The following RLIM variants were observed in gnomAD, a reference collection of about 807,000 sequenced individuals.
The protein encoded by RLIM is E3 ubiquitin-protein ligase RLIM.
Under a neutral mutation model 34.0 loss-of-function variants are expected in RLIM, and 2 were observed. The ratio of observed to expected loss-of-function variants is 0.06; its 90% CI spans 0.02 to 0.19. The LOEUF (loss-of-function observed/expected upper bound fraction) is 0.19, where lower values mean the gene tolerates loss of function less well. Among genes scored for constraint, RLIM ranks in the 10% least tolerant of loss-of-function variants. RLIM has a pLI of 1.00. For missense variants in RLIM, 286 were observed against 479.7 expected (o/e 0.60, Z 3.77); for synonymous variants, 169 against 164.0 (o/e 1.03, Z -0.23).
At chrX:74,601,209 A>G (rs2079659889) in intron 1 of RLIM, among the ~76,000 whole-genome samples, 1 of 111,988 alleles carries the variant, frequency 8.9e-6, no homozygotes, top group African/African-American at 3.2e-5. Context: ...TTTTGTTTCT[A>G]TTTTATTCAA....
Position 74,592,200 on chromosome X carries a change from C to G in RLIM, c.1115G>C (p.Arg372Pro). The G allele has an allele frequency of 8.3e-7, 1 of 1,211,653 alleles. No individual in the cohort carries two copies. Among genetic ancestry groups the G allele is most frequent in the Non-Finnish European group, 1.1e-6 (1 of 895,461 alleles). The change falls in exon 4 of 4, where the codon CGG becomes CCG. Residue 372 changes from arginine to proline, a missense_variant. Coordinates refer to ENST00000332687, the MANE Select transcript of RLIM (RefSeq NM_016120.4). Reference protein sequence around the residue: ...GFRRTFSRSERAGVRTYVSTI... With the variant: ...GFRRTFSRSEPAGVRTYVSTI... ...ACTGACATAGGTTCTCACACCTGCC[C>G]GCTCAGAACGTGAAAATGTACGCCT...
At chrX:74,602,874 G>A (rs1201868719) in intron 1 of RLIM, among the ~76,000 whole-genome samples, 1 of 111,299 alleles carries the variant, frequency 9.0e-6, no homozygotes, top group Non-Finnish European at 1.9e-5. Flanking sequence ...AATATTTAGA[G>A]AGGAATAACA....
intron 1 of RLIM, among the ~76,000 whole-genome samples, chrX:74,602,539 C>T (rs530114268): frequency 9.0e-6 from 1 of 111,148 alleles, no homozygotes. Flanking sequence ...TGAGACTAGC[C>T]TGACTAACAT....
intron 1 of RLIM, among the ~76,000 whole-genome samples, chrX:74,607,926 C>G (rs2079689581): frequency 8.9e-6 from 1 of 112,504 alleles, no homozygotes; most frequent in Non-Finnish European, 1.9e-5. Flanking sequence ...ACAAAAAGTA[C>G]CATCATATCA....
intron 1 of RLIM, among the ~76,000 whole-genome samples, chrX:74,602,558 C>T (rs1010914293): frequency 2.7e-5 from 3 of 110,933 alleles, no homozygotes; most frequent in African/African-American, 9.8e-5. Context: ...ATGGCAAAAC[C>T]CCGTCTCTAC....
At chrX:74,596,121 T>C in intron 1 of RLIM, 121 bp from the exon 2 acceptor site, 1 of 427,262 alleles carries the variant, frequency 2.3e-6, no homozygotes, top group Non-Finnish European at 3.8e-6. Context: ...TCAAATGAAA[T>C]TTCCTAACAA....
At chrX:74,606,892 T>C (rs7891671) in intron 1 of RLIM, among the ~76,000 whole-genome samples, 8,045 of 110,747 alleles carry the variant, frequency 0.073, 450 homozygotes, top group African/African-American at 0.19. Flanking sequence ...TCCTAGCACT[T>C]TGGGAGGTCG....
At chrX:74,594,897 TAAAAAAA>T (rs1169273208) in intron 2 of RLIM, among the ~76,000 whole-genome samples, 1 of 59,714 alleles carries the variant, frequency 1.7e-5, no homozygotes, top group South Asian at 1.0e-3. Flanking sequence ...AGACTCTGCT[TAAAAAAA>T]AAAAAAAAAA....
At chrX:74,598,536 T>C (rs2079648571) in intron 1 of RLIM, among the ~76,000 whole-genome samples, 1 of 110,920 alleles carries the variant, frequency 9.0e-6, no homozygotes, top group African/African-American at 3.3e-5. Context: ...CCCAGCACTT[T>C]GGGAGGCTGA....
Position 74,592,744 on chromosome X carries a change from A to T in RLIM, c.571T>A (p.Ser191Thr). 8.3e-7 allele frequency: 1 copy of T among 1,211,386 alleles called. No homozygotes were observed. Among genetic ancestry groups the T allele is most frequent in the Non-Finnish European group, 1.1e-6 (1 of 895,433 alleles). The change falls in exon 4 of 4, where the codon TCA becomes ACA. Residue 191 changes from serine to threonine, a missense_variant. Physicochemically the swap from Ser to Thr is moderately conservative, Grantham distance 58. This residue lies in a region of RLIM where 121 missense variants were observed against 182.4 expected (regional missense o/e 0.66). Transcript: ENST00000332687. ...AACGCTTCAGTTGAATTTCGTTCTG[A>T]TCTAGATGGCCTTGCAGATGTTGAT... is the stretch of plus-strand genomic sequence containing the variant. ...SESTSARPSRSERNSTEALTE... is the reference protein window; with the variant it reads ...SESTSARPSRTERNSTEALTE...
Position 74,588,971 on chromosome X carries a change from CGTGA to C in RLIM, c.*2465_*2468del, listed in dbSNP as rs2079600499. On this transcript the variant is annotated 3_prime_UTR_variant, in exon 4 of 4. Coordinates refer to ENST00000332687, the MANE Select transcript of RLIM (RefSeq NM_016120.4). ...CATTCTATACAATCGAATGGAAATC[CGTGA>C]GTGCTACTGAAAAAGGTGTTCACAT... 8.9e-6 allele frequency: 1 copy of C among 111,859 alleles called. No homozygotes were observed. Among genetic ancestry groups the C allele is most frequent in the Non-Finnish European group, 1.9e-5 (1 of 53,191 alleles). 9.2% of individuals were successfully genotyped at this position (111,859 alleles called of 1,213,427 possible).
chrX:74,603,837 C>T (rs959170216), intron 1 of RLIM, among the ~76,000 whole-genome samples: 1 of 111,764 alleles, frequency 8.9e-6, no homozygotes, highest in Admixed American at 9.6e-5. Context: ...TGACTGACCA[C>T]GGTGGCTCAT....
chrX:74,605,695 C>T (rs1160141408), intron 1 of RLIM, among the ~76,000 whole-genome samples: 1 of 111,979 alleles, frequency 8.9e-6, no homozygotes, highest in African/African-American at 3.2e-5. Context: ...GTGAAACATA[C>T]AGTAATTTAA....
Position 74,590,068 on chromosome X carries a change from A to C in RLIM, c.*1372T>G, listed in dbSNP as rs1372936911. The C allele has an allele frequency of 8.9e-6, 1 of 112,249 alleles. No individual in the cohort carries two copies. Among genetic ancestry groups the C allele is most frequent in the Non-Finnish European group, 1.9e-5 (1 of 53,273 alleles). The allele number at this position is 112,249 out of a possible 1,213,427, so 9.3% of individuals were successfully genotyped here. On this transcript the variant is annotated 3_prime_UTR_variant, in exon 4 of 4. Coordinates refer to ENST00000332687, the MANE Select transcript of RLIM (RefSeq NM_016120.4). ...GGACTGTGTTAGAGATAGTAATGAAATATGATCAAGTGTGCACTGGTACCT... is the reference window on the plus strand; with the variant it reads ...GGACTGTGTTAGAGATAGTAATGAACTATGATCAAGTGTGCACTGGTACCT...
At chrX:74,613,456 G>A (rs1461756124) in intron 1 of RLIM, among the ~76,000 whole-genome samples, 1 of 110,362 alleles carries the variant, frequency 9.1e-6, no homozygotes, top group Non-Finnish European at 1.9e-5. Flanking sequence ...CTAACCTGTG[G>A]AATAAGTATG....
chrX:74,592,623 G>C lies in RLIM; in HGVS notation c.692C>G (p.Pro231Arg). 1 of 1,211,764 alleles carries C rather than the reference G, an allele frequency of 8.3e-7. No individual in the cohort carries two copies. The change falls in exon 4 of 4, where the codon CCT (proline) becomes CGT (arginine). Residue 231 changes from proline (P) to arginine (R), a missense_variant. Pro to Arg is a moderately radical substitution (Grantham distance 103). Transcript: ENST00000332687. The part of the protein sequence containing the change: ...TRARAERSRS[P>R]LHPMSEIPRR... ...TGGAATTTCACTCATTGGATGCAGA[G>C]GTGACCTACTTCTTTCAGCTCTTGC...
chrX:74,608,484 G>C (rs1569313558), intron 1 of RLIM, among the ~76,000 whole-genome samples: 1 of 107,758 alleles, frequency 9.3e-6, no homozygotes, highest in Admixed American at 1.0e-4. Flanking sequence ...TTTCCTTATT[G>C]CATGATACCT....
rs749193004 is a variant in RLIM, at chrX:74,602,538, CCTGA to C, written c.-23-6542_-23-6539del. Among the ~76,000 whole-genome samples the C allele has an allele frequency of 6.3e-5, 7 of 111,147 alleles. No homozygotes were observed. In the East Asian group the frequency reaches 1.4e-3, roughly 22 times the overall value. ...TTTGAGGTCAGAAGTTTGAGACTAG[CCTGA>C]CTAACATGGCAAAACCCCGTCTCTA... On this transcript the variant is annotated intron_variant, in intron 1 of 3. Coordinates refer to ENST00000332687, the MANE Select transcript of RLIM (RefSeq NM_016120.4).
In RLIM at chrX:74,604,113, C is replaced by CAAA. The variant is rs60040804; in HGVS notation, c.-23-8116_-23-8114dup. 4.3e-3 allele frequency among the ~76,000 whole-genome samples: 339 copies of CAAA among 78,041 alleles called. 2 individuals carry two copies. Among genetic ancestry groups the CAAA allele is most frequent in the African/African-American group, 0.014 (298 of 22,013 alleles). The allele number at this position is 78,041 out of a possible 115,157, so 67.8% of individuals were successfully genotyped here. On this transcript the variant is annotated intron_variant, in intron 1 of 3. Transcript: ENST00000332687. ...CTGGGCGACAGAGTAGACTCTGTCT[C>CAAA]AAAAAAAAAAAAAATCATTTCAACA...
Sources: gnomAD v4.1 joint callset for allele counts (sites outside exome capture counted in the v4.1 genomes callset) on GRCh38, gnomAD v4.1.1 for gene constraint, gnomAD v4.1.1 regional missense constraint, MANE v1.5 for transcripts, NCBI Gene and HGNC (gene_info 2026-07-23, HGNC 2026-07-21) for gene names.